DLG2: variants seen among roughly 807,000 people sequenced by gnomAD.
The protein encoded by DLG2 is discs large MAGUK scaffold protein 2, also known as disks large homolog 2.
A neutral mutation model predicts 132.5 loss-of-function variants in DLG2; 45 were observed. The ratio of observed to expected loss-of-function variants is 0.34; its 90% CI spans 0.27 to 0.44. The LOEUF (loss-of-function observed/expected upper bound fraction) is 0.44. Among genes scored for constraint, DLG2 ranks in the 20% least tolerant of loss-of-function variants. DLG2 has a pLI of 1.00. For synonymous variants in DLG2, 424 were observed against 419.6 expected, an observed-to-expected ratio of 1.01 and a Z score of -0.13; for missense variants, 1,045 against 1,196.9, an observed-to-expected ratio of 0.87 and a Z score of 1.87.
chr11:85,390,202 C>A (rs1308369048), intron 3 of DLG2, among the ~76,000 whole-genome samples: 1 of 151,732 alleles, frequency 6.6e-6, no homozygotes, highest in Non-Finnish European at 1.5e-5. Flanking sequence ...GCAGAAGTAG[C>A]TATTCTTACA....
chr11:85,467,841 G>C (rs540326173), intron 3 of DLG2, among the ~76,000 whole-genome samples: 103 of 152,282 alleles, frequency 6.8e-4, no homozygotes, highest in African/African-American at 2.4e-3. Context: ...AGTTAGGGAG[G>C]ATTCCCTCTT....
At chr11:84,421,925 G>A (rs190977580) in intron 7 of DLG2, among the ~76,000 whole-genome samples, 1 of 152,208 alleles carries the variant, frequency 6.6e-6, no homozygotes, top group Admixed American at 6.5e-5. Flanking sequence ...TCCCCTCTCC[G>A]AGGCCTCCTG....
chr11:83,953,311 G>A (rs79392602), intron 14 of DLG2, among the ~76,000 whole-genome samples: 6,700 of 152,258 alleles, frequency 0.044, 235 homozygotes, highest in Non-Finnish European at 0.076. Context: ...CACAGCAGGA[G>A]GTGAGCAGTG....
At chr11:85,560,686 G>A (rs1484556556) in intron 3 of DLG2, among the ~76,000 whole-genome samples, 4 of 151,734 alleles carry the variant, frequency 2.6e-5, no homozygotes, top group African/African-American at 7.2e-5. Context: ...ACTTATAATG[G>A]ATAAATTATA....
intron 3 of DLG2, among the ~76,000 whole-genome samples, chr11:85,542,971 A>G (rs1170344456): frequency 6.6e-6 from 1 of 152,160 alleles, no homozygotes; most frequent in Non-Finnish European, 1.5e-5. Flanking sequence ...TGCTAGGTGT[A>G]GCTATACAAA....
intron 6 of DLG2, among the ~76,000 whole-genome samples, chr11:84,960,448 T>C (rs2052383180): frequency 6.6e-6 from 1 of 151,972 alleles, no homozygotes; most frequent in Admixed American, 6.6e-5. Flanking sequence ...ACTTTTTTTT[T>C]TTTTTGAGAT....
intron 3 of DLG2, among the ~76,000 whole-genome samples, chr11:85,455,640 G>A (rs947515142): frequency 2.6e-5 from 4 of 152,154 alleles, no homozygotes; most frequent in Non-Finnish European, 5.9e-5. Context: ...TGCCTATTCA[G>A]TATGATGTAG....
chr11:84,516,851 G>A (rs1262777538), intron 7 of DLG2, among the ~76,000 whole-genome samples: 1 of 150,964 alleles, frequency 6.6e-6, no homozygotes, highest in East Asian at 1.9e-4. Flanking sequence ...AAATTCAGCA[G>A]TACATTAAAA....
chr11:83,576,700 A>G (rs2096879256), intron 19 of DLG2, among the ~76,000 whole-genome samples: 1 of 152,176 alleles, frequency 6.6e-6, no homozygotes, highest in South Asian at 2.1e-4. Context: ...TTCAAAAATA[A>G]AGGCAAAATA....
intron 3 of DLG2, among the ~76,000 whole-genome samples, chr11:85,442,917 GAAA>G: frequency 6.6e-6 from 1 of 151,834 alleles, no homozygotes; most frequent in Non-Finnish European, 1.5e-5. Flanking sequence ...GGAAGAAGAA[GAAA>G]GAAGAAGAAG....
intron 21 of DLG2, among the ~76,000 whole-genome samples, chr11:83,501,824 C>T (rs1447391812): frequency 6.6e-6 from 1 of 152,174 alleles, no homozygotes; most frequent in Non-Finnish European, 1.5e-5. Context: ...GTACATATCA[C>T]CACATTAGGC....
At chr11:84,975,002 A>G (rs1566551743) in intron 6 of DLG2, among the ~76,000 whole-genome samples, 3 of 152,342 alleles carry the variant, frequency 2.0e-5, no homozygotes, top group South Asian at 4.1e-4. Flanking sequence ...AGGACATTGT[A>G]ACTCAATAAG....
chr11:85,557,186 C>T (rs889235901), intron 3 of DLG2, among the ~76,000 whole-genome samples: 4 of 151,678 alleles, frequency 2.6e-5, no homozygotes, highest in Non-Finnish European at 5.9e-5. Flanking sequence ...AAATCAAGAA[C>T]TCATTCCCCT....
At chr11:83,683,633 A>G (rs1250654223) in intron 18 of DLG2, among the ~76,000 whole-genome samples, 1 of 152,232 alleles carries the variant, frequency 6.6e-6, no homozygotes, top group Non-Finnish European at 1.5e-5. Flanking sequence ...ATTGAAACGT[A>G]CATCACAAGA....
intron 6 of DLG2, among the ~76,000 whole-genome samples, chr11:85,007,743 C>T (rs992923909): frequency 1.4e-5 from 2 of 146,602 alleles, no homozygotes; most frequent in South Asian, 4.4e-4. Context: ...GAGGAGAAAA[C>T]TCTCTGGTTT....
At chr11:84,463,336 ATCC>A (rs1248060193) in intron 7 of DLG2, among the ~76,000 whole-genome samples, 1 of 151,150 alleles carries the variant, frequency 6.6e-6, no homozygotes, top group Non-Finnish European at 1.5e-5. Flanking sequence ...AGTAGGGCCC[ATCC>A]TCCTCAGGAA....
intron 6 of DLG2, among the ~76,000 whole-genome samples, chr11:85,060,926 T>A (rs1168035791): frequency 6.6e-6 from 1 of 151,338 alleles, no homozygotes; most frequent in African/African-American, 2.4e-5. Flanking sequence ...TTTTTAATGG[T>A]CATCTTAACA....
intron 6 of DLG2, among the ~76,000 whole-genome samples, chr11:85,067,007 A>T (rs1337495702): frequency 6.6e-6 from 1 of 151,802 alleles, no homozygotes; most frequent in African/African-American, 2.4e-5. Context: ...TTCACTGATG[A>T]TATGTGCCTA....
At chr11:83,734,825 A>G (rs1022396539) in intron 18 of DLG2, among the ~76,000 whole-genome samples, 3 of 152,088 alleles carry the variant, frequency 2.0e-5, no homozygotes, top group Non-Finnish European at 1.5e-5. Context: ...TTCATGAAAC[A>G]TTTATGTCAA....
Sources: gnomAD v4.1 joint callset for allele counts (sites outside exome capture counted in the v4.1 genomes callset) on GRCh38, gnomAD v4.1.1 for gene constraint, MANE v1.5 for transcripts, NCBI Gene and HGNC (gene_info 2026-07-23, HGNC 2026-07-21) for gene names.